The following TNPO3 variants were observed in gnomAD, a reference collection of about 807,000 sequenced individuals.
The protein encoded by TNPO3 is transportin-3.
A neutral mutation model predicts 122.8 loss-of-function variants in TNPO3; 65 were observed. The observed-to-expected ratio is 0.53, with a 90% confidence interval of 0.43 to 0.65. The LOEUF (loss-of-function observed/expected upper bound fraction) is 0.65, where lower values mean the gene tolerates loss of function less well. Ranked by LOEUF, TNPO3 falls within the 30% of genes least tolerant of loss-of-function variation. The pLI, the probability that TNPO3 is intolerant of heterozygous loss-of-function variation, is 0.00. For synonymous variants in TNPO3, 372 were observed against 411.2 expected, an observed-to-expected ratio of 0.90 and a Z score of 1.15; for missense variants, 850 against 1,136.7, an observed-to-expected ratio of 0.75 and a Z score of 3.63.
intron 1 of TNPO3, among the ~76,000 whole-genome samples, chr7:129,032,848 T>C (rs1036287008): frequency 2.0e-5 from 3 of 152,168 alleles, no homozygotes; most frequent in Non-Finnish European, 4.4e-5. Context: ...AAAAATGGAA[T>C]TGTTTCCTTC....
intron 1 of TNPO3, among the ~76,000 whole-genome samples, chr7:129,031,116 C>T (rs1295708834): frequency 6.6e-6 from 1 of 152,088 alleles, no homozygotes; most frequent in African/African-American, 2.4e-5. Context: ...GAAACCCTGT[C>T]TCTACTAAAA....
At chr7:128,964,070 T>G (rs558883028) in intron 21 of TNPO3, among the ~76,000 whole-genome samples, 2 of 152,204 alleles carry the variant, frequency 1.3e-5, no homozygotes, top group South Asian at 4.1e-4. Context: ...AAAAAACTTA[T>G]GAAAAAATTT....
intron 1 of TNPO3, among the ~76,000 whole-genome samples, chr7:129,042,665 G>C (rs1807527581): frequency 6.6e-6 from 1 of 151,864 alleles, no homozygotes; most frequent in South Asian, 2.1e-4. Flanking sequence ...AATTTTCTCG[G>C]ACAGTGGGAA....
chr7:128,971,161 TC>T (rs1798452478), intron 19 of TNPO3: 2 of 152,042 alleles, frequency 1.3e-5, no homozygotes, highest in African/African-American at 4.8e-5. Context: ...TTTTTTTTTT[TC>T]TGAGACAGCG....
chr7:129,045,026 GA>G (rs1807853492), intron 1 of TNPO3, among the ~76,000 whole-genome samples: 1 of 152,174 alleles, frequency 6.6e-6, no homozygotes, highest in African/African-American at 2.4e-5. Flanking sequence ...CCTTAAAAAG[GA>G]AGGAATTTCT....
chr7:128,990,320 T>TA, intron 10 of TNPO3: 1 of 629,704 alleles, frequency 1.6e-6, no homozygotes, highest in Non-Finnish European at 2.8e-6. Flanking sequence ...TACTGCTCCT[T>TA]AATCTTCTGA....
intron 13 of TNPO3, among the ~76,000 whole-genome samples, chr7:128,982,709 C>T (rs951566970): frequency 1.3e-5 from 2 of 152,008 alleles, no homozygotes; most frequent in Non-Finnish European, 2.9e-5. Context: ...TATTATAAGG[C>T]TTTAAAATTA....
chr7:129,001,151 C>G lies in TNPO3; in HGVS notation c.780G>C (p.Glu260Asp). The change falls in exon 6 of 23, where the codon GAG becomes GAC. Residue 260 changes from glutamate to aspartate, a missense_variant. Glu to Asp is a conservative substitution (Grantham distance 45). Transcript: ENST00000265388. ...GTTGCATGGCTAATGGCAAGTTAGT[C>G]TCCACATTCTCAATGGCATAGAGAG... ...CSALYAIENV[E>D]TNLPLAMQLF... The G allele has an allele frequency of 2.5e-6, 4 of 1,614,112 alleles. No homozygotes were observed. Among genetic ancestry groups the G allele is most frequent in the Non-Finnish European group, 3.4e-6 (4 of 1,180,014 alleles).
At chr7:129,002,424 C>G (rs992572389) in intron 5 of TNPO3, among the ~76,000 whole-genome samples, 1 of 152,126 alleles carries the variant, frequency 6.6e-6, no homozygotes, top group African/African-American at 2.4e-5. Context: ...GAAGAGAGTA[C>G]AGTTGAGAGG....
intron 4 of TNPO3, among the ~76,000 whole-genome samples, chr7:129,013,396 G>T (rs1466134801): frequency 7.4e-6 from 1 of 135,826 alleles, no homozygotes; most frequent in Admixed American, 7.7e-5. Context: ...TCCAACAAGA[G>T]ATTAGTAACC....
intron 1 of TNPO3, among the ~76,000 whole-genome samples, chr7:129,027,984 A>T (rs192855250): frequency 3.2e-4 from 48 of 152,328 alleles, no homozygotes; most frequent in Non-Finnish European, 5.9e-4. Context: ...CATATAAAAC[A>T]TCTTTTCTGA....
intron 1 of TNPO3, among the ~76,000 whole-genome samples, chr7:129,037,886 A>AT (rs1304684999): frequency 6.6e-6 from 1 of 152,204 alleles, no homozygotes; most frequent in African/African-American, 2.4e-5. Context: ...GGAAAAAAAA[A>AT]CTATTTTGCA....
Position 128,986,795 on chromosome 7 carries a change from G to A in TNPO3, c.1624C>T (p.Leu542=). ...GAATCGAGGGAGCGGGCAATCTCCAGGAGTCCATTAAAGTGCTGAGCCATG... is the reference window on the plus strand; with the variant it reads ...GAATCGAGGGAGCGGGCAATCTCCAAGAGTCCATTAAAGTGCTGAGCCATG... The part of the protein sequence containing the change: ...DHMAQHFNGL[L]EIARSLDSFL... The change falls in exon 12 of 23, where the codon CTG becomes TTG. Residue 542 remains leucine (L), a synonymous_variant. Coordinates refer to ENST00000265388, the MANE Select transcript of TNPO3 (RefSeq NM_012470.4). The A allele has an allele frequency of 6.2e-7, 1 of 1,614,146 alleles. No homozygotes were observed. The highest frequency in any genetic ancestry group is 8.5e-7 in the Non-Finnish European group (1 of 1,180,008).
chr7:129,033,906 CAAAAA>C (rs776103730), intron 1 of TNPO3, among the ~76,000 whole-genome samples: 1 of 72,474 alleles, frequency 1.4e-5, no homozygotes. Context: ...GAGCTAAACT[CAAAAA>C]AAAAAAAAAA....
intron 8 of TNPO3, among the ~76,000 whole-genome samples, chr7:128,995,764 T>C (rs1265771724): frequency 6.6e-6 from 1 of 152,148 alleles, no homozygotes; most frequent in African/African-American, 2.4e-5. Flanking sequence ...AGTGGCGCAA[T>C]CTTGGCTCAC....
intron 17 of TNPO3, among the ~76,000 whole-genome samples, chr7:128,975,611 T>C (rs192114755): frequency 1.6e-4 from 24 of 152,270 alleles, no homozygotes; most frequent in African/African-American, 4.8e-4. Flanking sequence ...GTAATAATCA[T>C]TACACTCATG....
chr7:129,055,098 C>T lies in TNPO3; in HGVS notation c.-328G>A. On this transcript the variant is annotated 5_prime_UTR_variant, in exon 1 of 23. Coordinates refer to ENST00000265388, the MANE Select transcript of TNPO3 (RefSeq NM_012470.4). ...TCTTGGGAGGCCACACACCAGTGTA[C>T]CTAAGGTTCGTTTACCCGGACCGGA... The T allele has an allele frequency of 6.9e-6, 2 of 290,010 alleles. No homozygotes were observed. Among genetic ancestry groups the T allele is most frequent in the South Asian group, 3.9e-5 (1 of 25,354 alleles). The allele number at this position is 290,010 out of a possible 1,614,324, so 18.0% of individuals were successfully genotyped here. A position where few individuals can be genotyped will look rare whatever the true frequency, so the allele number is the denominator to read the frequency against.
intron 8 of TNPO3, among the ~76,000 whole-genome samples, chr7:128,994,601 T>C (rs1271859189): frequency 6.6e-6 from 1 of 152,162 alleles, no homozygotes; most frequent in East Asian, 1.9e-4. Context: ...ATTGAAGATT[T>C]ATGTTTCAAG....
chr7:129,048,192 C>T (rs749487618), intron 1 of TNPO3, among the ~76,000 whole-genome samples: 2 of 152,098 alleles, frequency 1.3e-5, no homozygotes, highest in Non-Finnish European at 2.9e-5. Flanking sequence ...CACACCTCTG[C>T]GCTCCACAGC....
Sources: gnomAD v4.1 joint callset for allele counts (sites outside exome capture counted in the v4.1 genomes callset) on GRCh38, gnomAD v4.1.1 for gene constraint, MANE v1.5 for transcripts, NCBI Gene and HGNC (gene_info 2026-07-23, HGNC 2026-07-21) for gene names.